Variants in PARD3B observed in about 807,000 individuals in gnomAD.
PARD3B encodes par-3 family cell polarity regulator beta, also known as partitioning defective 3 homolog B.
A neutral mutation model predicts 130.2 loss-of-function variants in PARD3B; 103 were observed. The ratio of observed to expected loss-of-function variants is 0.79; its 90% CI spans 0.67 to 0.93. PARD3B has a LOEUF of 0.93. Ranked by LOEUF, PARD3B falls within the 40% of genes least tolerant of loss-of-function variation. PARD3B has a pLI of 0.00. For missense variants in PARD3B, 1,609 were observed against 1,499.2 expected (o/e 1.07, Z -1.21); for synonymous variants, 583 against 553.2 (o/e 1.05, Z -0.76).
intron 15 of PARD3B, among the ~76,000 whole-genome samples, chr2:205,238,788 C>T (rs1456747091): frequency 1.4e-5 from 2 of 138,802 alleles, no homozygotes; most frequent in African/African-American, 2.7e-5. Flanking sequence ...GCCAAGATCG[C>T]ACCATTGCAC....
At chr2:205,380,880 T>TTCTAATATATAAAGAATATA (rs1559034691) in intron 18 of PARD3B, among the ~76,000 whole-genome samples, 1 of 12,820 alleles carries the variant, frequency 7.8e-5, no homozygotes, top group East Asian at 1.5e-3. Flanking sequence ...AAAGAATACA[T>TTCTAATATATAAAGAATATA]TATAATATAT....
At chr2:204,748,227 A>G (rs1190450224) in intron 2 of PARD3B, among the ~76,000 whole-genome samples, 1 of 152,116 alleles carries the variant, frequency 6.6e-6, no homozygotes, top group Non-Finnish European at 1.5e-5. Flanking sequence ...TGGCAGATTA[A>G]ATGACACCTA....
At chr2:205,478,695 T>G (rs572932139) in intron 20 of PARD3B, among the ~76,000 whole-genome samples, 1 of 152,272 alleles carries the variant, frequency 6.6e-6, no homozygotes, top group South Asian at 2.1e-4. Flanking sequence ...GCAGCCAGAT[T>G]CTAATGAGGA....
intron 3 of PARD3B, among the ~76,000 whole-genome samples, chr2:204,966,166 C>T (rs892801710): frequency 6.6e-6 from 1 of 152,114 alleles, no homozygotes; most frequent in African/African-American, 2.4e-5. Flanking sequence ...TGGTTAGAAT[C>T]GTACATAGTA....
At chr2:205,496,520 G>A (rs2049931804) in intron 20 of PARD3B, among the ~76,000 whole-genome samples, 1 of 152,056 alleles carries the variant, frequency 6.6e-6, no homozygotes, top group South Asian at 2.1e-4. Flanking sequence ...GCACTTAGAT[G>A]GTCCATGACT....
At chr2:204,712,249 TTG>T (rs1217991559) in intron 2 of PARD3B, among the ~76,000 whole-genome samples, 1 of 152,128 alleles carries the variant, frequency 6.6e-6, no homozygotes, top group Non-Finnish European at 1.5e-5. Flanking sequence ...GGTTTAAAAA[TTG>T]TGTTAGGACT....
chr2:204,699,410 C>CA (rs2037775947), intron 2 of PARD3B, among the ~76,000 whole-genome samples: 1 of 152,152 alleles, frequency 6.6e-6, no homozygotes, highest in African/African-American at 2.4e-5. Context: ...GAAGTGGCTA[C>CA]ATGGCTGTCA....
rs549255594 is a variant in PARD3B at position 205,049,311 on chromosome 2, C to A, written c.504+1621C>A. 3.3e-5 allele frequency among the ~76,000 whole-genome samples: 5 copies of A among 152,176 alleles called. No homozygotes were observed. The South Asian group carries it at 8.3e-4, about 25-fold the overall frequency. On this transcript the variant is annotated intron_variant, in intron 4 of 22. Transcript: ENST00000406610. The stretch of plus-strand genomic sequence containing the variant: ...ATGGTGGAAGGGGAAGCAAACATGT[C>A]CTTCTTCACAAGGAGGCAGGAGAGA...
intron 21 of PARD3B, among the ~76,000 whole-genome samples, chr2:205,523,087 C>T (rs2051153442): frequency 6.6e-6 from 1 of 151,484 alleles, no homozygotes; most frequent in Non-Finnish European, 1.5e-5. Context: ...CTTTTTCTTC[C>T]AAAGAAATGT....
chr2:205,465,651 G>A (rs561543915), intron 20 of PARD3B, among the ~76,000 whole-genome samples: 3 of 152,256 alleles, frequency 2.0e-5, no homozygotes, highest in African/African-American at 7.2e-5. Flanking sequence ...TTTAAGAAAG[G>A]CAGTAGCAGT....
chr2:205,178,221 T>TG (rs3071215), intron 13 of PARD3B, among the ~76,000 whole-genome samples: 76,527 of 128,160 alleles, frequency 0.6, 23,705 homozygotes, highest in Middle Eastern at 0.71. Context: ...CCAGCTACTA[T>TG]GGGGGGGGAA....
chr2:204,628,490 T>G (rs562063978), intron 1 of PARD3B, among the ~76,000 whole-genome samples: 2 of 152,210 alleles, frequency 1.3e-5, no homozygotes, highest in South Asian at 4.1e-4. Context: ...TTTTGAAATT[T>G]TTCTGCTTAT....
At chr2:204,666,561 T>G (rs779136459) in intron 1 of PARD3B, among the ~76,000 whole-genome samples, 2 of 151,930 alleles carry the variant, frequency 1.3e-5, no homozygotes, top group Non-Finnish European at 2.9e-5. Flanking sequence ...CAGAGAGTAG[T>G]TGTAAGAGTG....
At chr2:205,273,163 A>G (rs917550294) in intron 16 of PARD3B, among the ~76,000 whole-genome samples, 18 of 152,256 alleles carry the variant, frequency 1.2e-4, no homozygotes, top group African/African-American at 4.3e-4. Context: ...TTTCATGAAT[A>G]TTAGATTGTG....
intron 19 of PARD3B, among the ~76,000 whole-genome samples, chr2:205,428,890 T>C (rs1345484671): frequency 6.6e-6 from 1 of 152,062 alleles, no homozygotes; most frequent in Non-Finnish European, 1.5e-5. Flanking sequence ...AGGGCCCAGA[T>C]TGTGGTCTCT....
intron 22 of PARD3B, among the ~76,000 whole-genome samples, chr2:205,604,087 A>ATTTC (rs1169792907): frequency 1.3e-5 from 2 of 151,974 alleles, no homozygotes; most frequent in Non-Finnish European, 2.9e-5. Flanking sequence ...AAAGGATTTT[A>ATTTC]TTTCTCCTTT....
chr2:205,297,913 C>T (rs2041854089), intron 16 of PARD3B, among the ~76,000 whole-genome samples: 1 of 152,182 alleles, frequency 6.6e-6, no homozygotes, highest in Non-Finnish European at 1.5e-5. Context: ...TAATTGCCAA[C>T]TCTATTAATC....
At chr2:205,045,950 T>C (rs1488988313) in intron 3 of PARD3B, among the ~76,000 whole-genome samples, 2 of 152,182 alleles carry the variant, frequency 1.3e-5, no homozygotes, top group Non-Finnish European at 2.9e-5. Context: ...GGTTTTACTT[T>C]TTGTTTATTT....
At chr2:205,520,121 A>G (rs1433508067) in intron 21 of PARD3B, among the ~76,000 whole-genome samples, 2 of 152,144 alleles carry the variant, frequency 1.3e-5, no homozygotes, top group Admixed American at 1.3e-4. Context: ...CAAAAAAGGA[A>G]GGGACCTTAG....
Sources: gnomAD v4.1 joint callset for allele counts (sites outside exome capture counted in the v4.1 genomes callset) on GRCh38, gnomAD v4.1.1 for gene constraint, MANE v1.5 for transcripts, NCBI Gene and HGNC (gene_info 2026-07-23, HGNC 2026-07-21) for gene names.